ADAM23: variants seen among roughly 807,000 people sequenced by gnomAD.
ADAM23 encodes the protein disintegrin and metalloproteinase domain-containing protein 23.
In ADAM23, 33 loss-of-function variants were observed where a neutral mutation model predicts 120.1. That is an observed-to-expected ratio of 0.27 (90% CI 0.21 to 0.37). The LOEUF (loss-of-function observed/expected upper bound fraction) is 0.37. Among genes scored for constraint, ADAM23 ranks in the 10% least tolerant of loss-of-function variants. The pLI is 1.00. For missense variants in ADAM23, 862 were observed against 1,058.2 expected, an observed-to-expected ratio of 0.81 and a Z score of 2.57; for synonymous variants, 367 against 375.2, an observed-to-expected ratio of 0.98 and a Z score of 0.25.
chr2:206,576,741 A>T (rs1214539701), intron 18 of ADAM23, among the ~76,000 whole-genome samples: 1 of 152,156 alleles, frequency 6.6e-6, no homozygotes, highest in Non-Finnish European at 1.5e-5. Flanking sequence ...ATTAGCATTT[A>T]CTGATGCCTC....
rs1698613923 is a variant in ADAM23 at position 206,600,233 on chromosome 2, CT to C, written c.2359+4077del. Reference sequence around the variant, plus strand: ...AAAAACCAAAAACTGCATGTTGTATCTTTTTTCTCATGATCCAACTGGTTTG... The same window carrying C: ...AAAAACCAAAAACTGCATGTTGTATCTTTTTCTCATGATCCAACTGGTTTG... On this transcript the variant is annotated intron_variant, in intron 24 of 25. Coordinates refer to ENST00000264377, the MANE Select transcript of ADAM23 (RefSeq NM_003812.4). Among the ~76,000 whole-genome samples the C allele has an allele frequency of 2.0e-5, 3 of 152,092 alleles. No homozygotes were observed. The South Asian group carries it at 6.2e-4, about 32-fold the overall frequency.
chr2:206,590,679 T>C (rs1379770418), intron 21 of ADAM23, among the ~76,000 whole-genome samples: 2 of 152,216 alleles, frequency 1.3e-5, no homozygotes, highest in Non-Finnish European at 2.9e-5. Context: ...TCTTTGACTA[T>C]AATTTTTAAA....
At chr2:206,556,546 T>TA (rs1697646696) in intron 9 of ADAM23, among the ~76,000 whole-genome samples, 1 of 152,180 alleles carries the variant, frequency 6.6e-6, no homozygotes, top group Admixed American at 6.5e-5. Flanking sequence ...CATGGACCAG[T>TA]AGAGGGCATG....
intron 15 of ADAM23, among the ~76,000 whole-genome samples, chr2:206,568,772 A>C (rs1162361560): frequency 6.6e-6 from 1 of 152,248 alleles, no homozygotes; most frequent in East Asian, 1.9e-4. Flanking sequence ...AAAATGTTTA[A>C]TACTTTGCAA....
At chr2:206,548,926 T>C (rs144381392) in intron 8 of ADAM23, among the ~76,000 whole-genome samples, 14 of 152,308 alleles carry the variant, frequency 9.2e-5, no homozygotes, top group South Asian at 4.1e-4. Flanking sequence ...ACTACTGTTA[T>C]ATACTTCACA....
At chr2:206,603,550 T>C (rs981494308) in intron 24 of ADAM23, among the ~76,000 whole-genome samples, 3 of 152,172 alleles carry the variant, frequency 2.0e-5, no homozygotes, top group Non-Finnish European at 2.9e-5. Context: ...AAGCTTTTTT[T>C]CCCACTTTTA....
intron 9 of ADAM23, among the ~76,000 whole-genome samples, chr2:206,553,544 T>G (rs1697576929): frequency 6.6e-6 from 1 of 152,240 alleles, no homozygotes; most frequent in Non-Finnish European, 1.5e-5. Context: ...TAGAACTAAA[T>G]ATATTCCTTT....
chr2:206,540,182 AAAAAG>A (rs368988371), intron 4 of ADAM23, among the ~76,000 whole-genome samples: 13 of 150,030 alleles, frequency 8.7e-5, no homozygotes, highest in South Asian at 4.3e-4. Flanking sequence ...ACTGTCTTTA[AAAAAG>A]AAAAGAAAAG....
intron 25 of ADAM23, among the ~76,000 whole-genome samples, chr2:206,615,042 G>A (rs1212238614): frequency 6.6e-6 from 1 of 152,058 alleles, no homozygotes; most frequent in Non-Finnish European, 1.5e-5. Flanking sequence ...TTCGTCAGGG[G>A]GTGACTCAGC....
intron 25 of ADAM23, among the ~76,000 whole-genome samples, chr2:206,610,857 C>T (rs1698813781): frequency 6.6e-6 from 1 of 152,016 alleles, no homozygotes; most frequent in Non-Finnish European, 1.5e-5. Context: ...GTAGGTAAGC[C>T]CTCCTGTGCC....
intron 3 of ADAM23, among the ~76,000 whole-genome samples, chr2:206,514,093 C>A (rs1696682592): frequency 6.6e-6 from 1 of 152,166 alleles, no homozygotes; most frequent in African/African-American, 2.4e-5. Flanking sequence ...CCTGATAACA[C>A]AACATCCATT....
chr2:206,588,173 CTTGGCGGTT>C lies in ADAM23; in HGVS notation c.1852+20_1852+28del, dbSNP rs577820291. On this transcript the variant is annotated intron_variant, in intron 20 of 25. Coordinates refer to ENST00000264377, the MANE Select transcript of ADAM23 (RefSeq NM_003812.4). ...GGAACAAGTAGGTCGCACCTCCTTGCTTGGCGGTTACACATACCATTTTCTCTTAATAGT... is the reference window on the plus strand; with the variant it reads ...GGAACAAGTAGGTCGCACCTCCTTGCACACATACCATTTTCTCTTAATAGT... 1.0e-4 allele frequency: 167 copies of C among 1,613,082 alleles called. 1 individual carries two copies. In the African/African-American group the frequency reaches 2.0e-3, roughly 19 times the overall value.
intron 2 of ADAM23, among the ~76,000 whole-genome samples, chr2:206,472,524 A>G (rs1030690922): frequency 6.6e-6 from 1 of 151,810 alleles, no homozygotes; most frequent in African/African-American, 2.4e-5. Context: ...GAGGCACGAG[A>G]ATTGCTTGAA....
At chr2:206,596,209 C>T (rs763205038) in intron 24 of ADAM23, 47 bp downstream of exon 24, 2 of 1,417,256 alleles carry the variant, frequency 1.4e-6, no homozygotes. Context: ...AATTCGTTGA[C>T]ACTGTTCCAA....
At chr2:206,536,541 T>G (rs1381382701) in intron 4 of ADAM23, among the ~76,000 whole-genome samples, 1 of 152,160 alleles carries the variant, frequency 6.6e-6, no homozygotes, top group Non-Finnish European at 1.5e-5. Context: ...AGGGCTATGG[T>G]CAGTCATATT....
intron 3 of ADAM23, among the ~76,000 whole-genome samples, chr2:206,523,633 T>G (rs1696889542): frequency 6.6e-6 from 1 of 152,208 alleles, no homozygotes. Context: ...AGTCTATTTT[T>G]TTTTTAAAAC....
At chr2:206,548,577 C>T (rs1169209358) in intron 8 of ADAM23, among the ~76,000 whole-genome samples, 1 of 152,162 alleles carries the variant, frequency 6.6e-6, no homozygotes, top group Non-Finnish European at 1.5e-5. Flanking sequence ...AGTCTCTGAA[C>T]CCTGACGTCA....
chr2:206,481,026 G>A (rs1001945194), intron 2 of ADAM23, among the ~76,000 whole-genome samples: 3 of 152,106 alleles, frequency 2.0e-5, no homozygotes, highest in African/African-American at 7.2e-5. Flanking sequence ...TGTCTTATTA[G>A]CTCTTTGCTA....
chr2:206,449,797 A>G (rs1312738802), intron 2 of ADAM23, among the ~76,000 whole-genome samples: 5 of 151,922 alleles, frequency 3.3e-5, no homozygotes, highest in Admixed American at 6.6e-5. Context: ...CTAAAAAACT[A>G]CTTGTCCTAT....
Sources: gnomAD v4.1 joint callset for allele counts (sites outside exome capture counted in the v4.1 genomes callset) on GRCh38, gnomAD v4.1.1 for gene constraint, MANE v1.5 for transcripts, NCBI Gene and HGNC (gene_info 2026-07-23, HGNC 2026-07-21) for gene names.